The following LIMCH1 variants were observed in gnomAD, a reference collection of about 807,000 sequenced individuals.
LIMCH1 encodes the protein LIM and calponin homology domains 1, also known as LIM and calponin homology domains-containing protein 1.
LIMCH1 carries 113 observed loss-of-function variants against 176.5 expected under a neutral mutation model. The observed-to-expected ratio is 0.64, with a 90% CI of 0.55 to 0.75. The LOEUF is 0.75. Ranked by LOEUF, LIMCH1 falls within the 30% of genes least tolerant of loss-of-function variation. The probability of loss-of-function intolerance (pLI) is 0.00; values close to 1 mark genes in which losing one functional copy is unlikely to be tolerated. For synonymous variants in LIMCH1, 619 were observed against 645.9 expected (o/e 0.96, Z 0.63); for missense variants, 1,674 against 1,814.9 (o/e 0.92, Z 1.41).
At chr4:41,627,502 T>TA (rs1283153691) in intron 8 of LIMCH1, among the ~76,000 whole-genome samples, 1 of 152,242 alleles carries the variant, frequency 6.6e-6, no homozygotes, top group African/African-American at 2.4e-5. Flanking sequence ...TGTTCTTTCT[T>TA]CTGTCACACC....
chr4:41,605,148 T>C (rs1433170688), intron 3 of LIMCH1, among the ~76,000 whole-genome samples: 5 of 152,158 alleles, frequency 3.3e-5, no homozygotes, highest in Non-Finnish European at 5.9e-5. Flanking sequence ...ACAATTTCTT[T>C]GGAAATACAG....
chr4:41,371,724 T>G (rs920609704), intron 1 of LIMCH1, among the ~76,000 whole-genome samples: 1 of 152,216 alleles, frequency 6.6e-6, no homozygotes, highest in Non-Finnish European at 1.5e-5. Context: ...TGATCCCACG[T>G]AGCTCCTGAG....
chr4:41,377,276 T>C (rs1197417665), intron 1 of LIMCH1, among the ~76,000 whole-genome samples: 1 of 152,166 alleles, frequency 6.6e-6, no homozygotes, highest in East Asian at 1.9e-4. Flanking sequence ...ACCTGGGAGA[T>C]GCTCTCTTTA....
At chr4:41,388,817 A>G (rs1386230683) in intron 1 of LIMCH1, among the ~76,000 whole-genome samples, 1 of 151,988 alleles carries the variant, frequency 6.6e-6, no homozygotes, top group Non-Finnish European at 1.5e-5. Context: ...TAATTTTTAT[A>G]TTTTTAATAG....
intron 1 of LIMCH1, among the ~76,000 whole-genome samples, chr4:41,486,959 T>C (rs1309019770): frequency 4.3e-5 from 5 of 115,958 alleles, no homozygotes; most frequent in South Asian, 2.4e-4. Context: ...TATATATATA[T>C]ACACACACAC....
At chr4:41,485,346 A>G (rs960492468) in intron 1 of LIMCH1, among the ~76,000 whole-genome samples, 2 of 152,198 alleles carry the variant, frequency 1.3e-5, no homozygotes, top group Non-Finnish European at 1.5e-5. Context: ...GCAGATGAAC[A>G]CTTTTCTTTT....
intron 1 of LIMCH1, among the ~76,000 whole-genome samples, chr4:41,590,146 G>A (rs34136980): frequency 0.039 from 5,891 of 152,088 alleles, 135 homozygotes; most frequent in Admixed American, 0.064. Context: ...AGGCTGGAGT[G>A]TAGTGGCACA....
intron 1 of LIMCH1, among the ~76,000 whole-genome samples, chr4:41,402,026 C>T (rs187825554): frequency 2.0e-5 from 3 of 152,282 alleles, no homozygotes; most frequent in Admixed American, 1.3e-4. Flanking sequence ...CCCTTTATTT[C>T]CTTCCCCTGC....
rs57455080 is a variant in LIMCH1 at position 41,652,362 on chromosome 4, C to T, written c.3036+1754C>T. Among the ~76,000 whole-genome samples, 1,131 of 152,202 alleles carry T rather than the reference C, an allele frequency of 7.4e-3. 17 individuals carry two copies. Among genetic ancestry groups the T allele is most frequent in the African/African-American group, 0.026 (1,077 of 41,542 alleles). On this transcript the variant is annotated intron_variant, in intron 18 of 31. Coordinates refer to ENST00000503057, the MANE Select transcript of LIMCH1 (RefSeq NM_001330672.2). ...AAATCATTTTCTCACCATGGTAACA[C>T]GTTTCCTAGTCTCTAGGAGCAGAGT...
chr4:41,689,290 C>A (rs1723434737), intron 29 of LIMCH1, among the ~76,000 whole-genome samples: 2 of 152,164 alleles, frequency 1.3e-5, no homozygotes, highest in African/African-American at 4.8e-5. Flanking sequence ...AACTTAAACA[C>A]ACGCACCAGA....
chr4:41,393,438 T>C (rs757046170), intron 1 of LIMCH1, among the ~76,000 whole-genome samples: 18 of 152,378 alleles, frequency 1.2e-4, no homozygotes, highest in Admixed American at 3.9e-4. Context: ...CATTTGGCTT[T>C]AGAATGTCCT....
At chr4:41,379,498 G>T (rs1392247858) in intron 1 of LIMCH1, among the ~76,000 whole-genome samples, 2 of 152,158 alleles carry the variant, frequency 1.3e-5, no homozygotes, top group Non-Finnish European at 2.9e-5. Flanking sequence ...TTCCTAAGAA[G>T]TTAGTCATTA....
chr4:41,367,958 C>T (rs1176100379), intron 1 of LIMCH1, among the ~76,000 whole-genome samples: 2 of 151,652 alleles, frequency 1.3e-5, no homozygotes, highest in East Asian at 3.9e-4. Context: ...AAAAAAAATT[C>T]CTCAGCCTTA....
chr4:41,610,261 C>A (rs755321130), intron 4 of LIMCH1, among the ~76,000 whole-genome samples: 4 of 152,162 alleles, frequency 2.6e-5, no homozygotes, highest in Non-Finnish European at 4.4e-5. Flanking sequence ...CTGTGGGGAG[C>A]CTTTCTGATA....
At chr4:41,369,400 C>A (rs1475535862) in intron 1 of LIMCH1, among the ~76,000 whole-genome samples, 1 of 152,152 alleles carries the variant, frequency 6.6e-6, no homozygotes, top group African/African-American at 2.4e-5. Flanking sequence ...GGAGAAGGAT[C>A]TTTTACCCCA....
intron 1 of LIMCH1, among the ~76,000 whole-genome samples, chr4:41,421,144 G>T (rs956416713): frequency 1.2e-4 from 18 of 152,174 alleles, no homozygotes; most frequent in African/African-American, 4.3e-4. Flanking sequence ...GTTGGATCCA[G>T]GTTCTACCAC....
chr4:41,509,208 A>T (rs1286177476), intron 2 of LIMCH1, among the ~76,000 whole-genome samples: 1 of 152,146 alleles, frequency 6.6e-6, no homozygotes, highest in Admixed American at 6.5e-5. Context: ...ACTGGTCCCT[A>T]CTGGTCACCA....
intron 2 of LIMCH1, among the ~76,000 whole-genome samples, chr4:41,514,108 A>T (rs984789548): frequency 6.6e-6 from 1 of 151,088 alleles, no homozygotes; most frequent in African/African-American, 2.4e-5. Flanking sequence ...ATAGTTCCAA[A>T]ACTGATGTTT....
chr4:41,448,034 G>A, intron 1 of LIMCH1, among the ~76,000 whole-genome samples: 1 of 152,142 alleles, frequency 6.6e-6, no homozygotes, highest in East Asian at 1.9e-4. Flanking sequence ...CAGGTGATCT[G>A]CCTGCCTTGG....
Sources: gnomAD v4.1 joint callset for allele counts (sites outside exome capture counted in the v4.1 genomes callset) on GRCh38, gnomAD v4.1.1 for gene constraint, MANE v1.5 for transcripts, NCBI Gene and HGNC (gene_info 2026-07-23, HGNC 2026-07-21) for gene names.